PLAC1: variants seen among roughly 807,000 people sequenced by gnomAD.
PLAC1 encodes the protein placenta associated 1, also known as placenta-specific protein 1.
For missense variants in PLAC1, 136 were observed against 163.2 expected (o/e 0.83, Z 0.91); for synonymous variants, 68 against 62.1 (o/e 1.09, Z -0.44).
chrX:134,656,750 A>G lies in PLAC1; in HGVS notation c.-131+1578T>C, dbSNP rs147621106. Among the ~76,000 whole-genome samples the G allele has an allele frequency of 8.8e-3, 968 of 110,090 alleles. 11 individuals are homozygous for G. The highest frequency in any genetic ancestry group is 0.031 in the African/African-American group (932 of 30,270). The stretch of plus-strand genomic sequence containing the variant: ...CAGGTGTGCCCCACCAAGCCTGGAT[A>G]TTTTATTTTTAGTTTTTGTAGAGAC... On this transcript the variant is annotated intron_variant, in intron 1 of 2. Transcript: ENST00000359237.
intron 2 of PLAC1, among the ~76,000 whole-genome samples, chrX:134,721,696 C>G (rs2078657770): frequency 9.2e-6 from 1 of 108,786 alleles, no homozygotes; most frequent in Admixed American, 9.9e-5. Flanking sequence ...AACCCCGTCT[C>G]TACTAAAAAT....
intron 2 of PLAC1, among the ~76,000 whole-genome samples, chrX:134,691,969 G>A (rs1414641651): frequency 8.9e-6 from 1 of 112,391 alleles, no homozygotes; most frequent in African/African-American, 3.2e-5. Flanking sequence ...AGCTTCTTTT[G>A]TTGATGTGCT....
At chrX:134,586,839 T>TGTGTGTGTG (rs2078004519) in intron 2 of PLAC1, among the ~76,000 whole-genome samples, 3 of 76,653 alleles carry the variant, frequency 3.9e-5, no homozygotes, top group Non-Finnish European at 5.0e-5. Context: ...CCCAGCTAAT[T>TGTGTGTGTG]TGTGTGTGTG....
chrX:134,679,256 C>T (rs141071358), intron 2 of PLAC1, among the ~76,000 whole-genome samples: 151 of 111,015 alleles, frequency 1.4e-3, no homozygotes, highest in African/African-American at 4.7e-3. Context: ...ATCAGGAGTT[C>T]GGTATTGTCT....
At chrX:134,667,534 C>T (rs181587365) in intron 2 of PLAC1, among the ~76,000 whole-genome samples, 4 of 111,743 alleles carry the variant, frequency 3.6e-5, no homozygotes, top group East Asian at 2.8e-4. Context: ...TAACAACTGA[C>T]GGTGAGAATG....
chrX:134,689,660 T>C (rs753765460), intron 2 of PLAC1, among the ~76,000 whole-genome samples: 77 of 111,563 alleles, frequency 6.9e-4, no homozygotes, highest in African/African-American at 2.3e-3. Context: ...ACTGACTCAA[T>C]GTGTGATGTT....
chrX:134,720,544 C>T (rs1276841793), intron 2 of PLAC1, among the ~76,000 whole-genome samples: 1 of 108,446 alleles, frequency 9.2e-6, no homozygotes, highest in African/African-American at 3.4e-5. Context: ...AAAAGTGTAA[C>T]AACTAAAACT....
chrX:134,593,811 C>T (rs2078050829), intron 2 of PLAC1, among the ~76,000 whole-genome samples: 1 of 111,739 alleles, frequency 8.9e-6, no homozygotes, highest in African/African-American at 3.2e-5. Flanking sequence ...AAATAGTTTT[C>T]TTGCTATTCT....
At chrX:134,680,660 T>A (rs1219324072) in intron 2 of PLAC1, among the ~76,000 whole-genome samples, 4 of 111,957 alleles carry the variant, frequency 3.6e-5, no homozygotes. Context: ...TTGAGAACAT[T>A]ACCCAGCTAA....
intron 1 of PLAC1, among the ~76,000 whole-genome samples, chrX:134,741,061 G>T (rs905816973): frequency 2.7e-5 from 3 of 112,210 alleles, no homozygotes; most frequent in Middle Eastern, 4.2e-3. Context: ...GGTTACACGG[G>T]TATGTTCATT....
intron 2 of PLAC1, among the ~76,000 whole-genome samples, chrX:134,691,372 AG>A (rs1427749316): frequency 9.0e-6 from 1 of 110,937 alleles, no homozygotes; most frequent in Non-Finnish European, 1.9e-5. Flanking sequence ...ACAAATGAGG[AG>A]CAATGACTTC....
At chrX:134,662,851 C>T (rs1290742386), upstream of PLAC1, among the ~76,000 whole-genome samples, 1 of 111,987 alleles carries the variant, frequency 8.9e-6, no homozygotes, top group African/African-American at 3.3e-5. Flanking sequence ...ATTGCTTGAA[C>T]TTGGGAGGCA....
chrX:134,609,132 C>A (rs2078140056), intron 1 of PLAC1, among the ~76,000 whole-genome samples: 2 of 110,876 alleles, frequency 1.8e-5, no homozygotes, highest in South Asian at 7.8e-4. Flanking sequence ...GCCACCACAC[C>A]TGGCCTGTGG....
At chrX:134,575,089 C>G (rs925949088) in intron 2 of PLAC1, among the ~76,000 whole-genome samples, 3 of 111,098 alleles carry the variant, frequency 2.7e-5, no homozygotes, top group African/African-American at 9.8e-5. Flanking sequence ...CAACTTGACC[C>G]TTGGCTCCCT....
chrX:134,744,828 A>G (rs755444221), intron 1 of PLAC1, among the ~76,000 whole-genome samples: 2 of 111,451 alleles, frequency 1.8e-5, no homozygotes, highest in Non-Finnish European at 3.8e-5. Flanking sequence ...TGATACTGGG[A>G]TTGGAAGTTA....
chrX:134,616,018 C>T (rs144336404), intron 1 of PLAC1, among the ~76,000 whole-genome samples: 1 of 110,656 alleles, frequency 9.0e-6, no homozygotes, highest in African/African-American at 3.3e-5. Flanking sequence ...TCTTGCTCAT[C>T]ACTCAGGCTA....
chrX:134,647,691 T>C (rs2078341577), intron 1 of PLAC1, among the ~76,000 whole-genome samples: 1 of 111,227 alleles, frequency 9.0e-6, no homozygotes, highest in African/African-American at 3.3e-5. Context: ...CATCCAAGCA[T>C]GTGCTTAGTG....
intron 1 of PLAC1, among the ~76,000 whole-genome samples, chrX:134,622,894 G>A (rs1209518578): frequency 8.9e-6 from 1 of 111,962 alleles, no homozygotes. Context: ...ACCAGGGGAA[G>A]ACACTACATA....
intron 1 of PLAC1, among the ~76,000 whole-genome samples, chrX:134,621,960 G>T (rs1047737869): frequency 1.8e-5 from 2 of 111,569 alleles, no homozygotes; most frequent in Non-Finnish European, 3.8e-5. Context: ...TTTTCTGATC[G>T]GTCAGCATAA....
Sources: allele counts gnomAD v4.1 joint callset (sites outside exome capture counted in the v4.1 genomes callset), GRCh38; gene constraint gnomAD v4.1.1; transcripts MANE v1.5; gene names NCBI Gene and HGNC (gene_info 2026-07-23, HGNC 2026-07-21).